Variants in GNPTAB observed in about 807,000 individuals in gnomAD.
GNPTAB encodes N-acetylglucosamine-1-phosphotransferase subunits alpha/beta.
GNPTAB carries 92 observed loss-of-function variants against 136.6 expected under a neutral mutation model. That is an observed-to-expected ratio of 0.67 (90% CI 0.57 to 0.80). GNPTAB has a LOEUF of 0.80. Ranked by LOEUF, GNPTAB falls within the 30% of genes least tolerant of loss-of-function variation. The probability of loss-of-function intolerance (pLI) is 0.00; values close to 1 mark genes in which losing one functional copy is unlikely to be tolerated. For missense variants in GNPTAB, 1,343 were observed against 1,501.8 expected (o/e 0.89, Z 1.75); for synonymous variants, 512 against 535.1 (o/e 0.96, Z 0.60).
chr12:101,812,380 C>T (rs1244370125), intron 1 of GNPTAB, among the ~76,000 whole-genome samples: 1 of 152,218 alleles, frequency 6.6e-6, no homozygotes, highest in Non-Finnish European at 1.5e-5. Context: ...CGGAGGATGA[C>T]AATTCAACAT....
Position 101,749,183 on chromosome 12 carries a change from T to C in GNPTAB, c.3611A>G (p.Tyr1204Cys). The C allele has an allele frequency of 1.2e-6, 2 of 1,603,236 alleles. No homozygotes were observed. The highest frequency in any genetic ancestry group is 3.3e-5 in the Admixed American group (2 of 60,006). ...GGTCCAAAACTTCAATTTGTCTCGATAAGCCCTCCTGTGCAGAGAGAAGAA... is the reference window on the plus strand; with the variant it reads ...GGTCCAAAACTTCAATTTGTCTCGACAAGCCCTCCTGTGCAGAGAGAAGAA... ...HMHELQEWRA[Y>C]RDKLKFWTHC... The change falls in exon 20 of 21, where the codon TAT becomes TGT. Residue 1204 changes from tyrosine (Y) to cysteine (C), a missense_variant. Physicochemically the swap from Tyr to Cys is radical, Grantham distance 194 (BLOSUM62 -2). Coordinates refer to ENST00000299314, the MANE Select transcript of GNPTAB (RefSeq NM_024312.5).
intron 19 of GNPTAB, among the ~76,000 whole-genome samples, chr12:101,752,033 A>AG (rs1222689008): frequency 6.9e-6 from 1 of 145,656 alleles, no homozygotes; most frequent in East Asian, 2.0e-4. Flanking sequence ...AAAAAAAAAA[A>AG]GGCCTTAGTA....
intron 1 of GNPTAB, among the ~76,000 whole-genome samples, chr12:101,816,330 TCAAA>T (rs1233438068): frequency 6.6e-6 from 1 of 152,120 alleles, no homozygotes; most frequent in Non-Finnish European, 1.5e-5. Flanking sequence ...TATAAGGAAC[TCAAA>T]CAACTCAATG....
intron 1 of GNPTAB, among the ~76,000 whole-genome samples, chr12:101,822,370 C>T (rs1251918109): frequency 6.6e-6 from 1 of 152,094 alleles, no homozygotes; most frequent in African/African-American, 2.4e-5. Flanking sequence ...GCCGAGATCG[C>T]GCCACTGCAC....
intron 1 of GNPTAB, among the ~76,000 whole-genome samples, chr12:101,826,116 A>T (rs577094318): frequency 9.6e-4 from 147 of 152,358 alleles, no homozygotes; most frequent in Non-Finnish European, 1.5e-3. Flanking sequence ...CTGAGGCTGA[A>T]CATAACTTGA....
chr12:101,793,708 A>C (rs1442125501), intron 2 of GNPTAB, among the ~76,000 whole-genome samples: 1 of 152,250 alleles, frequency 6.6e-6, no homozygotes, highest in Non-Finnish European at 1.5e-5. Flanking sequence ...TGACACTGAC[A>C]TAACTTTCAT....
chr12:101,800,056 C>T (rs956501586), intron 1 of GNPTAB, among the ~76,000 whole-genome samples: 2 of 152,194 alleles, frequency 1.3e-5, no homozygotes, highest in South Asian at 2.1e-4. Flanking sequence ...AAACCCCAAA[C>T]ATTCCCTGAC....
Position 101,768,164 on chromosome 12 carries a change from C to T in GNPTAB, c.1285-4G>A, listed in dbSNP as rs202070254. 99 of 1,613,844 alleles carry T rather than the reference C, an allele frequency of 6.1e-5. No homozygotes were observed. Among genetic ancestry groups the T allele is most frequent in the Non-Finnish European group, 7.3e-5 (86 of 1,179,910 alleles). On this transcript the variant is annotated splice_region_variant and splice_polypyrimidine_tract_variant and intron_variant, in intron 10 of 20. Coordinates refer to ENST00000299314, the MANE Select transcript of GNPTAB (RefSeq NM_024312.5). Reference sequence around the variant, plus strand: ...GCACAGGCCATGTCAAATAAACCTACGATAAAACCAAAGAGAAAATAAAAT... The same window carrying T: ...GCACAGGCCATGTCAAATAAACCTATGATAAAACCAAAGAGAAAATAAAAT...
chr12:101,760,281 A>G, intron 15 of GNPTAB, 138 bp from the exon 16 acceptor site: 1 of 657,196 alleles, frequency 1.5e-6, no homozygotes, highest in Non-Finnish European at 2.7e-6. Context: ...ATGATTCTTA[A>G]GATAAAGGCA....
intron 1 of GNPTAB, among the ~76,000 whole-genome samples, chr12:101,817,641 CATA>C (rs1328034671): frequency 4.6e-5 from 7 of 151,966 alleles, no homozygotes; most frequent in South Asian, 4.2e-4. Flanking sequence ...ATTATATAGC[CATA>C]ATAATTAAAA....
At chr12:101,786,723 GATT>G (rs2092028031) in intron 4 of GNPTAB, among the ~76,000 whole-genome samples, 2 of 152,132 alleles carry the variant, frequency 1.3e-5, no homozygotes. Flanking sequence ...ATTTCTATCT[GATT>G]ATAAGAAATA....
intron 10 of GNPTAB, among the ~76,000 whole-genome samples, chr12:101,768,589 T>C (rs1953128292): frequency 2.0e-5 from 3 of 152,224 alleles, no homozygotes; most frequent in Admixed American, 2.0e-4. Flanking sequence ...CATAATCTTG[T>C]CTCAAGGCTG....
intron 13 of GNPTAB, among the ~76,000 whole-genome samples, chr12:101,763,266 C>A (rs1264007044): frequency 6.6e-6 from 1 of 150,870 alleles, no homozygotes; most frequent in African/African-American, 2.4e-5. Context: ...ATGGGGGAAA[C>A]TGAGGAAATA....
chr12:101,786,270 A>G, intron 4 of GNPTAB, 53 bp from the exon 5 acceptor site: 2 of 1,409,840 alleles, frequency 1.4e-6, no homozygotes, highest in Non-Finnish European at 2.0e-6. Context: ...TTTAATCAGC[A>G]ATGAGAAGCT....
intron 16 of GNPTAB, among the ~76,000 whole-genome samples, chr12:101,759,040 C>G (rs1487023994): frequency 6.6e-6 from 1 of 152,020 alleles, no homozygotes; most frequent in Non-Finnish European, 1.5e-5. Flanking sequence ...TATGGTAGTA[C>G]CCATTATTTT....
At chr12:101,828,526 G>C (rs1387048168) in intron 1 of GNPTAB, among the ~76,000 whole-genome samples, 1 of 152,090 alleles carries the variant, frequency 6.6e-6, no homozygotes, top group East Asian at 1.9e-4. Context: ...AGGTGTGGTG[G>C]CACGCACCTG....
intron 12 of GNPTAB, 167 bp downstream of exon 12, chr12:101,765,924 T>G (rs1197268175): frequency 3.0e-6 from 2 of 665,076 alleles, no homozygotes; most frequent in African/African-American, 3.6e-5. Context: ...AAGATCCTCT[T>G]CAGTGATTTA....
At chr12:101,796,002 C>T in intron 2 of GNPTAB, 2 of 433,932 alleles carry the variant, frequency 4.6e-6, no homozygotes, top group East Asian at 3.5e-5. Flanking sequence ...GACTGCGTTC[C>T]AGAATGGCGG....
intron 7 of GNPTAB, among the ~76,000 whole-genome samples, chr12:101,774,716 C>T (rs1757278279): frequency 6.6e-6 from 1 of 152,084 alleles, no homozygotes; most frequent in Non-Finnish European, 1.5e-5. Context: ...TAAGATATTG[C>T]TTATTATAAG....
Sources: gnomAD v4.1 joint callset for allele counts (sites outside exome capture counted in the v4.1 genomes callset) on GRCh38, gnomAD v4.1.1 for gene constraint, MANE v1.5 for transcripts, NCBI Gene and HGNC (gene_info 2026-07-23, HGNC 2026-07-21) for gene names.